Variants in ESRRG observed in about 807,000 individuals in gnomAD.
ESRRG encodes the protein estrogen related receptor gamma.
In ESRRG, 13 loss-of-function variants were observed where a neutral mutation model predicts 44.0. The ratio of observed to expected loss-of-function variants is 0.30; its 90% confidence interval spans 0.19 to 0.47. ESRRG has a LOEUF of 0.47. Ranked by LOEUF, ESRRG falls within the 20% of genes least tolerant of loss-of-function variation. The probability of loss-of-function intolerance (pLI) is 1.00; values close to 1 mark genes in which losing one functional copy is unlikely to be tolerated. For synonymous variants in ESRRG, 215 were observed against 214.6 expected, an observed-to-expected ratio of 1.00 and a Z score of -0.02; for missense variants, 395 against 580.6, an observed-to-expected ratio of 0.68 and a Z score of 3.29.
At chr1:216,512,424 A>T (rs926480845) in intron 6 of ESRRG, among the ~76,000 whole-genome samples, 1 of 152,228 alleles carries the variant, frequency 6.6e-6, no homozygotes, top group Non-Finnish European at 1.5e-5. Flanking sequence ...AAAATGAAGG[A>T]GGAACTTTGG....
At chr1:217,097,416 G>A (rs982382658) in intron 1 of ESRRG, among the ~76,000 whole-genome samples, 4 of 152,062 alleles carry the variant, frequency 2.6e-5, no homozygotes, top group East Asian at 3.9e-4. Flanking sequence ...CTGACTTTCC[G>A]GGCAAGAAAA....
intron 1 of ESRRG, among the ~76,000 whole-genome samples, chr1:216,988,488 C>T (rs192266440): frequency 1.8e-4 from 27 of 152,326 alleles, no homozygotes; most frequent in African/African-American, 6.5e-4. Context: ...CTAGCTGCTA[C>T]ATGGGTCTCC....
At chr1:216,992,319 G>A (rs1393569905) in intron 1 of ESRRG, among the ~76,000 whole-genome samples, 1 of 152,196 alleles carries the variant, frequency 6.6e-6, no homozygotes, top group Non-Finnish European at 1.5e-5. Context: ...AAACATCAAA[G>A]TTAACACTCA....
chr1:216,996,392 A>T (rs2150580063), intron 1 of ESRRG, among the ~76,000 whole-genome samples: 1 of 152,198 alleles, frequency 6.6e-6, no homozygotes. Flanking sequence ...GGATGAGAGG[A>T]GGAAAAACAG....
At chr1:216,703,694 T>C (rs1183638129) in intron 1 of ESRRG, among the ~76,000 whole-genome samples, 2 of 151,538 alleles carry the variant, frequency 1.3e-5, no homozygotes, top group African/African-American at 4.9e-5. Flanking sequence ...TATGTTTGTG[T>C]GTGTATGTTT....
At position 216,943,803 on chromosome 1, in the gene ESRRG, C is replaced by T. The variant is rs971813666; in HGVS notation, c.-105-4130G>A. ...TCAGCTTTCTAGATCCCCTACCATA[C>T]GTTATTCATGGGGGTTTGATTATTT... On this transcript the variant is annotated intron_variant, in intron 1 of 7. Coordinates refer to the ESRRG transcript ENST00000359162. 4.6e-5 allele frequency among the ~76,000 whole-genome samples: 7 copies of T among 152,020 alleles called. No individual in the cohort carries two copies. The South Asian group carries it at 1.0e-3, about 23-fold the overall frequency.
chr1:216,792,600 C>T (rs1457450073), intron 2 of ESRRG, among the ~76,000 whole-genome samples: 2 of 152,132 alleles, frequency 1.3e-5, no homozygotes, highest in African/African-American at 4.8e-5. Flanking sequence ...GGCATATTTC[C>T]ACAAATTGAA....
chr1:216,615,740 T>TTTTC (rs2061342676), intron 3 of ESRRG, among the ~76,000 whole-genome samples: 1 of 150,890 alleles, frequency 6.6e-6, no homozygotes, highest in Non-Finnish European at 1.5e-5. Context: ...CTCTCTCTTT[T>TTTTC]TTTTTTTTTT....
chr1:216,509,388 T>C (rs1445318731), intron 6 of ESRRG, among the ~76,000 whole-genome samples: 1 of 152,226 alleles, frequency 6.6e-6, no homozygotes, highest in Non-Finnish European at 1.5e-5. Flanking sequence ...TCTTTAAATT[T>C]TCCTAAATCT....
chr1:216,724,592 A>G (rs940419906), upstream of ESRRG, among the ~76,000 whole-genome samples: 1 of 152,142 alleles, frequency 6.6e-6, no homozygotes, highest in Non-Finnish European at 1.5e-5. Context: ...TTTATAAACC[A>G]TCACACAGTC....
At chr1:216,852,049 C>G (rs2095850903) in intron 2 of ESRRG, among the ~76,000 whole-genome samples, 1 of 152,116 alleles carries the variant, frequency 6.6e-6, no homozygotes, top group African/African-American at 2.4e-5. Flanking sequence ...CCTGTTGCGG[C>G]TGAGAAGTTT....
At chr1:216,808,534 C>G (rs772216683) in intron 2 of ESRRG, among the ~76,000 whole-genome samples, 24 of 151,998 alleles carry the variant, frequency 1.6e-4, no homozygotes, top group Admixed American at 8.5e-4. Context: ...TTAAGCAATC[C>G]TCTCACTTCA....
chr1:216,843,278 G>A (rs1272391108), intron 2 of ESRRG, among the ~76,000 whole-genome samples: 2 of 151,900 alleles, frequency 1.3e-5, no homozygotes, highest in Admixed American at 6.6e-5. Context: ...TGGCAAGCAG[G>A]GAGTTTCAAG....
At chr1:216,681,022 A>C (rs1460075746) in intron 1 of ESRRG, among the ~76,000 whole-genome samples, 1 of 152,234 alleles carries the variant, frequency 6.6e-6, no homozygotes, top group African/African-American at 2.4e-5. Flanking sequence ...TTAATGCAGA[A>C]ATTTTAAGTC....
rs141663577 is a variant in ESRRG at position 216,508,995 on chromosome 1, C to T, written c.1133-1812G>A. Among the ~76,000 whole-genome samples the T allele has an allele frequency of 3.3e-3, 495 of 152,192 alleles. 2 individuals carry two copies. The highest frequency in any genetic ancestry group is 6.8e-3 in the Middle Eastern group (2 of 294). On this transcript the variant is annotated intron_variant, in intron 6 of 6. Transcript: ENST00000408911. ...TTACACTCTGCAGTGACAAAACAAA[C>T]GAAATAACTATTTTCCAACTAGACC...
chr1:216,930,690 T>A (rs1396597973), intron 2 of ESRRG, among the ~76,000 whole-genome samples: 1 of 152,148 alleles, frequency 6.6e-6, no homozygotes. Context: ...TCAGCATGAG[T>A]CTTAAATAGT....
At position 216,506,916 on chromosome 1, in the gene ESRRG, G is replaced by A. The variant is rs2041337207; in HGVS notation, c.*23C>T. 3.1e-6 allele frequency: 5 copies of A among 1,601,254 alleles called. No homozygotes were observed. The highest frequency in any genetic ancestry group is 4.3e-6 in the Non-Finnish European group (5 of 1,174,506). On this transcript the variant is annotated 3_prime_UTR_variant, in exon 7 of 7. Coordinates refer to ENST00000408911, the MANE Select transcript of ESRRG (RefSeq NM_001438.4). ...TTTTCCCTTTTTCAACATGAAGGAT[G>A]GGAAGGCCCAGGGAGCTTTTAGTCA... is the stretch of plus-strand genomic sequence containing the variant.
At chr1:216,817,086 G>A (rs866045323) in intron 2 of ESRRG, among the ~76,000 whole-genome samples, 1 of 151,668 alleles carries the variant, frequency 6.6e-6, no homozygotes, top group Non-Finnish European at 1.5e-5. Flanking sequence ...AGGTTTTGTG[G>A]GTCAATATGG....
chr1:216,855,509 G>A (rs568903882), intron 2 of ESRRG, among the ~76,000 whole-genome samples: 2 of 152,244 alleles, frequency 1.3e-5, no homozygotes, highest in South Asian at 2.1e-4. Flanking sequence ...AATTCAAAAG[G>A]TAACGTAGAA....
Sources: allele counts gnomAD v4.1 joint callset (sites outside exome capture counted in the v4.1 genomes callset), GRCh38; gene constraint gnomAD v4.1.1; transcripts MANE v1.5; gene names NCBI Gene and HGNC (gene_info 2026-07-23, HGNC 2026-07-21).